PTPRM: variants seen among roughly 807,000 people sequenced by gnomAD.
PTPRM encodes the protein receptor-type tyrosine-protein phosphatase mu.
In PTPRM, 47 loss-of-function variants were observed where a neutral mutation model predicts 186.7. The ratio of observed to expected loss-of-function variants is 0.25; its 90% CI spans 0.20 to 0.32. PTPRM has a LOEUF of 0.32. Among genes scored for constraint, PTPRM ranks in the 10% least tolerant of loss-of-function variants. The pLI is 1.00. For missense variants in PTPRM, 1,494 were observed against 1,865.0 expected, an observed-to-expected ratio of 0.80 and a Z score of 3.66; for synonymous variants, 668 against 674.9, an observed-to-expected ratio of 0.99 and a Z score of 0.16.
At chr18:7,851,629 A>G (rs371019623) in intron 2 of PTPRM, among the ~76,000 whole-genome samples, 1 of 86,570 alleles carries the variant, frequency 1.2e-5, no homozygotes, top group East Asian at 7.3e-4. Context: ...TATACCAACA[A>G]CAAACAAAAA....
chr18:8,315,448 A>C (rs906363488), intron 21 of PTPRM, among the ~76,000 whole-genome samples: 3 of 152,212 alleles, frequency 2.0e-5, no homozygotes, highest in Non-Finnish European at 4.4e-5. Context: ...TTCATTCTGC[A>C]TCATGTTAAC....
chr18:7,919,581 C>A (rs1268438897), intron 4 of PTPRM, among the ~76,000 whole-genome samples: 2 of 152,096 alleles, frequency 1.3e-5, no homozygotes, highest in Non-Finnish European at 2.9e-5. Context: ...AAAGATACTT[C>A]ATATTATTTC....
At chr18:8,324,966 C>A (rs1473096162) in intron 22 of PTPRM, among the ~76,000 whole-genome samples, 2 of 152,162 alleles carry the variant, frequency 1.3e-5, no homozygotes, top group Non-Finnish European at 2.9e-5. Context: ...GTATGCGTGA[C>A]CTGTTACTGT....
chr18:8,103,514 T>A (rs1449549179), intron 11 of PTPRM, among the ~76,000 whole-genome samples: 4 of 152,232 alleles, frequency 2.6e-5, no homozygotes, highest in African/African-American at 9.6e-5. Context: ...ACTTTTCTTC[T>A]GCAGCTTCCT....
intron 1 of PTPRM, among the ~76,000 whole-genome samples, chr18:7,582,684 GAA>G (rs1465863302): frequency 2.0e-5 from 3 of 152,174 alleles, no homozygotes; most frequent in Non-Finnish European, 4.4e-5. Context: ...ATGGGAAAAA[GAA>G]AAGTTTAGGG....
chr18:8,322,603 G>A (rs2095352578), intron 22 of PTPRM, among the ~76,000 whole-genome samples: 1 of 152,192 alleles, frequency 6.6e-6, no homozygotes, highest in Admixed American at 6.5e-5. Context: ...GCAGGGCAGA[G>A]TGAAGATTTC....
intron 5 of PTPRM, among the ~76,000 whole-genome samples, chr18:7,931,683 A>G (rs551247230): frequency 6.6e-5 from 10 of 152,360 alleles, no homozygotes; most frequent in Non-Finnish European, 1.2e-4. Context: ...CTCAAAAAAA[A>G]TAAATAAAAA....
Position 8,244,169 on chromosome 18 carries a change from GGCT to G in PTPRM, c.2413_2415del (p.Ala805del). On this transcript the variant is annotated inframe_deletion, in exon 15 of 33. Coordinates refer to ENST00000580170, the MANE Select transcript of PTPRM (RefSeq NM_001105244.2). ...CTGAGCAGGGCACAAACTGCGACGAGGCTTTCTCATTCATGGACACGCACAATC... is the reference window on the plus strand; with the variant it reads ...CTGAGCAGGGCACAAACTGCGACGAGTTCTCATTCATGGACACGCACAATC... The G allele has an allele frequency of 6.3e-7, 1 of 1,595,682 alleles. No homozygotes were observed. Among genetic ancestry groups the G allele is most frequent in the South Asian group, 1.2e-5 (1 of 86,702 alleles).
intron 14 of PTPRM, among the ~76,000 whole-genome samples, chr18:8,156,281 G>T (rs1316918099): frequency 6.6e-6 from 1 of 152,062 alleles, no homozygotes; most frequent in African/African-American, 2.4e-5. Flanking sequence ...AAGAGTGTGG[G>T]GAACATAGCT....
At chr18:8,052,094 C>G (rs2087542985) in intron 7 of PTPRM, among the ~76,000 whole-genome samples, 1 of 152,152 alleles carries the variant, frequency 6.6e-6, no homozygotes, top group Admixed American at 6.5e-5. Context: ...GAAGTAGGGC[C>G]TGAGTATCTG....
chr18:8,218,663 C>T lies in PTPRM; in HGVS notation c.2301-25395C>T, dbSNP rs559902393. Reference sequence around the variant, plus strand: ...AAGAGATTTTTTGATTCTCAATTGCCCTCTGTCTTCTCCTTTCCTACTTTT... The same window carrying T: ...AAGAGATTTTTTGATTCTCAATTGCTCTCTGTCTTCTCCTTTCCTACTTTT... On this transcript the variant is annotated intron_variant, in intron 14 of 32. Coordinates refer to ENST00000580170, the MANE Select transcript of PTPRM (RefSeq NM_001105244.2). 1.5e-4 allele frequency among the ~76,000 whole-genome samples: 23 copies of T among 152,176 alleles called. 1 individual carries two copies. The highest frequency in any genetic ancestry group is 1.2e-3 in the Admixed American group (18 of 15,288).
At chr18:8,049,655 C>CATAT (rs150500622) in intron 7 of PTPRM, among the ~76,000 whole-genome samples, 6,550 of 147,904 alleles carry the variant, frequency 0.044, 457 homozygotes, top group African/African-American at 0.15. Flanking sequence ...ACATAATAAA[C>CATAT]ATATATATAT....
intron 2 of PTPRM, among the ~76,000 whole-genome samples, chr18:7,789,952 A>C (rs916576986): frequency 6.6e-6 from 1 of 152,136 alleles, no homozygotes; most frequent in Non-Finnish European, 1.5e-5. Flanking sequence ...TTCTCATTTA[A>C]TTTATCTTTA....
intron 7 of PTPRM, among the ~76,000 whole-genome samples, chr18:8,067,221 CA>C (rs1172795609): frequency 6.6e-6 from 1 of 152,002 alleles, no homozygotes; most frequent in Non-Finnish European, 1.5e-5. Flanking sequence ...AGGAAAAGGG[CA>C]AAGGGACACA....
At chr18:8,084,270 G>T (rs1231489521) in intron 9 of PTPRM, among the ~76,000 whole-genome samples, 1 of 152,146 alleles carries the variant, frequency 6.6e-6, no homozygotes, top group Non-Finnish European at 1.5e-5. Context: ...CATAATAGAG[G>T]TTTAGATCCG....
At chr18:7,717,783 G>T (rs2040369090) in intron 1 of PTPRM, among the ~76,000 whole-genome samples, 1 of 152,192 alleles carries the variant, frequency 6.6e-6, no homozygotes. Flanking sequence ...GCATCTAGCT[G>T]GTTCCAGCAC....
At chr18:8,016,927 C>A (rs892700824) in intron 7 of PTPRM, among the ~76,000 whole-genome samples, 1 of 152,148 alleles carries the variant, frequency 6.6e-6, no homozygotes, top group African/African-American at 2.4e-5. Flanking sequence ...CCAATATTCA[C>A]GCATTAATAG....
chr18:8,363,844 A>C (rs1008033507), intron 23 of PTPRM, among the ~76,000 whole-genome samples: 2 of 152,236 alleles, frequency 1.3e-5, no homozygotes, highest in African/African-American at 4.8e-5. Flanking sequence ...AAAATTCCAC[A>C]AGGGGACCAG....
intron 11 of PTPRM, among the ~76,000 whole-genome samples, chr18:8,104,797 G>A (rs754053311): frequency 2.0e-5 from 3 of 152,104 alleles, no homozygotes; most frequent in Non-Finnish European, 4.4e-5. Flanking sequence ...GAACTTAAAC[G>A]AAATTGTTTT....
Sources: allele counts gnomAD v4.1 joint callset (sites outside exome capture counted in the v4.1 genomes callset), GRCh38; gene constraint gnomAD v4.1.1; transcripts MANE v1.5; gene names NCBI Gene and HGNC (gene_info 2026-07-23, HGNC 2026-07-21).